The following TRUB1 variants were observed in gnomAD, a reference collection of about 807,000 sequenced individuals.
The protein encoded by TRUB1 is pseudouridylate synthase TRUB1.
Under a neutral mutation model 33.9 loss-of-function variants are expected in TRUB1, and 23 were observed. The ratio of observed to expected loss-of-function variants is 0.68; its 90% CI spans 0.49 to 0.96. The LOEUF is 0.96. Among genes scored for constraint, TRUB1 ranks in the 40% least tolerant of loss-of-function variants. TRUB1 has a pLI of 0.00. For missense variants in TRUB1, 378 were observed against 422.2 expected (o/e 0.90, Z 0.92); for synonymous variants, 163 against 165.4 (o/e 0.99, Z 0.11).
At chr10:114,949,953 C>CAATG (rs2084226967) in intron 2 of TRUB1, among the ~76,000 whole-genome samples, 1 of 142,294 alleles carries the variant, frequency 7.0e-6, no homozygotes. Flanking sequence ...GGCTGGAGTG[C>CAATG]AATGGTGTGA....
rs1157198707 is a variant in TRUB1 at position 114,938,433 on chromosome 10, T to C, written c.180T>C (p.Ala60=). The stretch of plus-strand genomic sequence containing the variant: ...CCGAAGCCAGGGTCTCCAAGGCCGC[T>C]TTGGCTACCAAGCTGCTGTCCTTGA... The part of the protein sequence containing the change: ...TGSEARVSKA[A]LATKLLSLSG... Residue 60 remains alanine (A), a synonymous_variant, in exon 1 of 8, where the codon GCT becomes GCC. Coordinates refer to ENST00000298746, the MANE Select transcript of TRUB1 (RefSeq NM_139169.5). The C allele has an allele frequency of 6.3e-7, 1 of 1,596,980 alleles. No homozygotes were observed. The highest frequency in any genetic ancestry group is 1.3e-5 in the African/African-American group (1 of 74,786).
At chr10:114,948,284 G>C in intron 2 of TRUB1, among the ~76,000 whole-genome samples, 1 of 152,126 alleles carries the variant, frequency 6.6e-6, no homozygotes, top group Non-Finnish European at 1.5e-5. Flanking sequence ...CAGCACCTTT[G>C]GTTGTAGAAG....
intron 3 of TRUB1, among the ~76,000 whole-genome samples, chr10:114,952,582 T>C (rs1313549716): frequency 1.3e-5 from 2 of 152,188 alleles, no homozygotes; most frequent in African/African-American, 2.4e-5. Context: ...GGAGAACATA[T>C]TGCATGTGAT....
chr10:114,971,241 C>G (rs998525306), intron 5 of TRUB1, among the ~76,000 whole-genome samples: 24 of 152,126 alleles, frequency 1.6e-4, no homozygotes, highest in African/African-American at 5.3e-4. Flanking sequence ...ATATCAACAC[C>G]TTGGGGGTTA....
intron 4 of TRUB1, among the ~76,000 whole-genome samples, chr10:114,965,918 TTACCCAAGAGCAAG>T (rs1007577282): frequency 2.6e-5 from 4 of 152,098 alleles, no homozygotes; most frequent in African/African-American, 9.7e-5. Flanking sequence ...TTTTGCTAAA[TTACCCAAGAGCAAG>T]CTCAGCCATG....
In TRUB1 at chr10:114,975,432, A is replaced by G; in HGVS notation, c.*53A>G. On this transcript the variant is annotated 3_prime_UTR_variant, in exon 8 of 8. Coordinates refer to ENST00000298746, the MANE Select transcript of TRUB1 (RefSeq NM_139169.5). ...TAGTTGACATTTGAATCCTGTGTGC[A>G]GATGCAGAATGACAAGCTGCATTCA... The G allele has an allele frequency of 6.8e-7, 1 of 1,460,068 alleles. No homozygotes were observed. 90.4% of individuals were successfully genotyped at this position (1,460,068 alleles called of 1,614,324 possible).
At chr10:114,964,468 C>G (rs1366340061) in intron 4 of TRUB1, among the ~76,000 whole-genome samples, 6 of 152,098 alleles carry the variant, frequency 3.9e-5, no homozygotes, top group Non-Finnish European at 5.9e-5. Flanking sequence ...CAGATATTTT[C>G]TCTTACTTTG....
At chr10:114,940,348 C>A (rs569188407) in intron 1 of TRUB1, among the ~76,000 whole-genome samples, 4 of 152,110 alleles carry the variant, frequency 2.6e-5, no homozygotes, top group Non-Finnish European at 4.4e-5. Context: ...CTCGAACTCC[C>A]GACCTCAGGT....
rs528712225 is a variant in TRUB1 at position 114,968,195 on chromosome 10, T to C, written c.524-2173T>C. Among the ~76,000 whole-genome samples the C allele has an allele frequency of 3.9e-5, 6 of 152,270 alleles. No homozygotes were observed. In the South Asian group the frequency reaches 1.0e-3, roughly 26 times the overall value. ...AGTGAACAGCACAAACCACGAATGC[T>C]TGACATGTTCAGTCAGAGAAAGAGA... On this transcript the variant is annotated intron_variant, in intron 4 of 7. Coordinates refer to ENST00000298746, the MANE Select transcript of TRUB1 (RefSeq NM_139169.5).
At chr10:114,941,322 A>G (rs527805822) in intron 1 of TRUB1, among the ~76,000 whole-genome samples, 9 of 148,774 alleles carry the variant, frequency 6.0e-5, no homozygotes, top group Non-Finnish European at 1.2e-4. Context: ...TTCAAGTAAC[A>G]TTATTTTGCA....
chr10:114,977,320 ATATG>A lies in TRUB1; in HGVS notation c.*1948_*1951del, dbSNP rs2084365678. The stretch of plus-strand genomic sequence containing the variant: ...TTGACTTTTTCATTTGATATTATCT[ATATG>A]TATGTAGTTGTGATAATGATTATTT... On this transcript the variant is annotated 3_prime_UTR_variant, in exon 8 of 8. Transcript: ENST00000298746. 6.6e-6 allele frequency: 1 copy of A among 152,004 alleles called. No individual in the cohort carries two copies. Among genetic ancestry groups the A allele is most frequent in the Non-Finnish European group, 1.5e-5 (1 of 67,946 alleles). 9.4% of individuals were successfully genotyped at this position (152,004 alleles called of 1,614,324 possible).
At chr10:114,966,732 G>T (rs537134723) in intron 4 of TRUB1, among the ~76,000 whole-genome samples, 10 of 152,262 alleles carry the variant, frequency 6.6e-5, no homozygotes, top group African/African-American at 2.4e-4. Context: ...AAATTCTGAA[G>T]TTTCAATTTC....
In TRUB1 at chr10:114,946,729, T is replaced by G. The variant is rs190353417; in HGVS notation, c.385+3986T>G. 1.7e-3 allele frequency among the ~76,000 whole-genome samples: 258 copies of G among 152,096 alleles called. 2 individuals are homozygous for G. Among genetic ancestry groups the G allele is most frequent in the South Asian group, 8.7e-3 (42 of 4,818 alleles). ...AAATATACTTTTACTTTCAACATTT[T>G]TTTTTGCAATATTAATGGTGCAGAT... is the stretch of plus-strand genomic sequence containing the variant. On this transcript the variant is annotated intron_variant, in intron 2 of 7. Coordinates refer to ENST00000298746, the MANE Select transcript of TRUB1 (RefSeq NM_139169.5).
chr10:114,957,335 T>A (rs1370983465), intron 3 of TRUB1, among the ~76,000 whole-genome samples: 2 of 152,238 alleles, frequency 1.3e-5, no homozygotes, highest in African/African-American at 2.4e-5. Context: ...TGCCATTATA[T>A]CCAGTCCTCT....
chr10:114,944,876 T>G (rs566099152), intron 2 of TRUB1, among the ~76,000 whole-genome samples: 1 of 152,168 alleles, frequency 6.6e-6, no homozygotes, highest in East Asian at 1.9e-4. Context: ...TCCCAGCTAC[T>G]TGGGAGGCTG....
chr10:114,973,138 G>T (rs1209324026), intron 6 of TRUB1, among the ~76,000 whole-genome samples: 1 of 151,666 alleles, frequency 6.6e-6, no homozygotes, highest in Non-Finnish European at 1.5e-5. Flanking sequence ...ATATGGTTTT[G>T]TACCATTAGA....
At chr10:114,960,074 A>T (rs1316630752) in intron 4 of TRUB1, 1 of 365,418 alleles carries the variant, frequency 2.7e-6, no homozygotes, top group Admixed American at 4.9e-5. Flanking sequence ...TTGCAAAAGC[A>T]TGTATGGCTA....
At position 114,959,956 on chromosome 10, in the gene TRUB1, G is replaced by A. The variant is rs890097078; in HGVS notation, c.523+149G>A. On this transcript the variant is annotated intron_variant, in intron 4 of 7. Coordinates refer to ENST00000298746, the MANE Select transcript of TRUB1 (RefSeq NM_139169.5). ...CTAAGAAGATTGGAAATTGTTTATC[G>A]CATTGTTGCTTACTTGATAGGAGTT... 1.2e-5 allele frequency: 7 copies of A among 585,510 alleles called. No homozygotes were observed. The Admixed American group carries it at 1.4e-4, about 12-fold the overall frequency. The allele number at this position is 585,510 out of a possible 1,614,324, so 36.3% of individuals were successfully genotyped here.
chr10:114,948,390 G>A (rs1252492156), intron 2 of TRUB1, among the ~76,000 whole-genome samples: 1 of 151,962 alleles, frequency 6.6e-6, no homozygotes, highest in Non-Finnish European at 1.5e-5. Context: ...ATTTCATTTT[G>A]TTCTTTTAGT....
Sources: gnomAD v4.1 joint callset for allele counts (sites outside exome capture counted in the v4.1 genomes callset) on GRCh38, gnomAD v4.1.1 for gene constraint, MANE v1.5 for transcripts, NCBI Gene and HGNC (gene_info 2026-07-23, HGNC 2026-07-21) for gene names.